The following BABAM2 variants were observed in gnomAD, a reference collection of about 807,000 sequenced individuals.
BABAM2 encodes BRISC and BRCA1-A complex member 2.
In BABAM2, 31 loss-of-function variants were observed where a neutral mutation model predicts 54.7. The observed-to-expected ratio is 0.57, with a 90% CI of 0.43 to 0.77. The LOEUF (loss-of-function observed/expected upper bound fraction) is 0.77, where lower values mean the gene tolerates loss of function less well. Among genes scored for constraint, BABAM2 ranks in the 30% least tolerant of loss-of-function variants. The probability of loss-of-function intolerance (pLI) is 0.00; values close to 1 mark genes in which losing one functional copy is unlikely to be tolerated. For missense variants in BABAM2, 364 were observed against 455.8 expected, an observed-to-expected ratio of 0.80 and a Z score of 1.83; for synonymous variants, 167 against 162.9, an observed-to-expected ratio of 1.03 and a Z score of -0.19.
At chr2:28,025,083 T>C in intron 4 of BABAM2, 143 bp from the exon 5 acceptor site, 1 of 645,362 alleles carries the variant, frequency 1.5e-6, no homozygotes, top group South Asian at 5.0e-5. Flanking sequence ...TAACTTCATC[T>C]CTGGGTATAT....
intron 10 of BABAM2, among the ~76,000 whole-genome samples, chr2:28,272,666 T>C (rs777340184): frequency 3.3e-5 from 5 of 152,194 alleles, no homozygotes; most frequent in Non-Finnish European, 7.3e-5. Context: ...CCAACAGTTA[T>C]TGAGCCTGTC....
intron 6 of BABAM2, among the ~76,000 whole-genome samples, chr2:28,117,467 A>G (rs1446064195): frequency 6.6e-6 from 1 of 152,208 alleles, no homozygotes; most frequent in Non-Finnish European, 1.5e-5. Flanking sequence ...AGCTAGGAGC[A>G]GATTGAATAG....
chr2:27,939,473 G>C (rs1452013615), intron 3 of BABAM2, among the ~76,000 whole-genome samples: 1 of 152,172 alleles, frequency 6.6e-6, no homozygotes, highest in Non-Finnish European at 1.5e-5. Context: ...TGAATCTTTA[G>C]TGTTCAGATT....
intron 4 of BABAM2, among the ~76,000 whole-genome samples, chr2:28,015,463 A>G (rs182013489): frequency 1.1e-4 from 17 of 152,254 alleles, no homozygotes; most frequent in Non-Finnish European, 1.8e-4. Context: ...CTTCTAGTCA[A>G]AAGTATTAAT....
rs138935963 is a variant in BABAM2 at position 28,228,691 on chromosome 2, C to T, written c.681-8511C>T. Among the ~76,000 whole-genome samples the T allele has an allele frequency of 5.7e-3, 867 of 152,246 alleles. 8 individuals are homozygous for T. The highest frequency in any genetic ancestry group is 0.02 in the African/African-American group (817 of 41,560). On this transcript the variant is annotated intron_variant, in intron 7 of 11. Transcript: ENST00000379624. ...AAACTTTTCTTCCCCTTACCCTTTT[C>T]GTGTCTTGAGTGACTGGGCATCATT...
intron 6 of BABAM2, among the ~76,000 whole-genome samples, chr2:28,075,531 T>TCC (rs1202694180): frequency 7.3e-6 from 1 of 137,240 alleles, no homozygotes; most frequent in Non-Finnish European, 1.5e-5. Flanking sequence ...CACGTTTTTC[T>TCC]CTCTCTCTCT....
intron 3 of BABAM2, among the ~76,000 whole-genome samples, chr2:27,963,906 A>G (rs1031604800): frequency 6.6e-6 from 1 of 152,186 alleles, no homozygotes; most frequent in Non-Finnish European, 1.5e-5. Context: ...CATATGACAA[A>G]ATTTCATTCT....
chr2:28,092,236 T>A (rs921919228), intron 6 of BABAM2, among the ~76,000 whole-genome samples: 1 of 151,906 alleles, frequency 6.6e-6, no homozygotes, highest in South Asian at 2.1e-4. Flanking sequence ...CGAGAAAAAA[T>A]AAATAAAAGA....
intron 4 of BABAM2, among the ~76,000 whole-genome samples, chr2:27,991,893 CA>C (rs1461619244): frequency 2.6e-5 from 4 of 152,128 alleles, no homozygotes; most frequent in Non-Finnish European, 5.9e-5. Flanking sequence ...ATTGCAGGGT[CA>C]AATGGTAACT....
At chr2:28,187,854 G>C (rs574973345) in intron 7 of BABAM2, among the ~76,000 whole-genome samples, 1 of 151,874 alleles carries the variant, frequency 6.6e-6, no homozygotes, top group Non-Finnish European at 1.5e-5. Flanking sequence ...TTTTAGTAGA[G>C]ACTGAGTTTC....
chr2:28,054,237 C>G (rs1678221769), intron 6 of BABAM2, among the ~76,000 whole-genome samples: 1 of 151,922 alleles, frequency 6.6e-6, no homozygotes, highest in Non-Finnish European at 1.5e-5. Flanking sequence ...GTTTTTATAC[C>G]ATGGTCTCTG....
At chr2:28,243,871 G>A (rs1382890064) in intron 9 of BABAM2, among the ~76,000 whole-genome samples, 1 of 152,096 alleles carries the variant, frequency 6.6e-6, no homozygotes, top group Non-Finnish European at 1.5e-5. Context: ...AACTGGGCGG[G>A]CATCAATATC....
At chr2:27,964,117 T>C (rs373706399) in intron 3 of BABAM2, among the ~76,000 whole-genome samples, 3 of 152,310 alleles carry the variant, frequency 2.0e-5, no homozygotes, top group East Asian at 3.9e-4. Context: ...TTAGTTCTCA[T>C]GAGAATGGAT....
intron 7 of BABAM2, among the ~76,000 whole-genome samples, chr2:28,191,297 A>G (rs1266519794): frequency 6.6e-6 from 1 of 152,254 alleles, no homozygotes; most frequent in East Asian, 1.9e-4. Flanking sequence ...TTATGGAAAT[A>G]TAAAATGATA....
chr2:27,962,565 G>T (rs1216176218), intron 3 of BABAM2, among the ~76,000 whole-genome samples: 1 of 152,202 alleles, frequency 6.6e-6, no homozygotes, highest in Non-Finnish European at 1.5e-5. Flanking sequence ...GTTATCAAAA[G>T]ATTTTAACTG....
At chr2:28,212,691 C>T (rs1679576511) in intron 7 of BABAM2, among the ~76,000 whole-genome samples, 1 of 152,282 alleles carries the variant, frequency 6.6e-6, no homozygotes, top group Non-Finnish European at 1.5e-5. Flanking sequence ...CCGACCCCCT[C>T]ATTTTTGGGC....
intron 10 of BABAM2, among the ~76,000 whole-genome samples, chr2:28,262,379 T>A (rs1246519586): frequency 2.0e-5 from 3 of 152,142 alleles, no homozygotes; most frequent in African/African-American, 7.2e-5. Flanking sequence ...TCAGGTATTA[T>A]GTAAAAGATG....
chr2:28,292,350 G>T (rs563625609), intron 10 of BABAM2, among the ~76,000 whole-genome samples: 2 of 152,260 alleles, frequency 1.3e-5, no homozygotes, highest in South Asian at 4.2e-4. Flanking sequence ...CTGTTTATAT[G>T]CCTTGAATGC....
In BABAM2 at chr2:27,970,037, G is replaced by A. The variant is rs115167992; in HGVS notation, c.206-17956G>A. On this transcript the variant is annotated intron_variant, in intron 3 of 11. Coordinates refer to ENST00000379624, the MANE Select transcript of BABAM2 (RefSeq NM_199191.3). ...TTGCTACTCTGCTTTTGCTCATGAT[G>A]TTCCCTTTGTATCCTCATTTCCAAA... is the stretch of plus-strand genomic sequence containing the variant. 3.2e-3 allele frequency among the ~76,000 whole-genome samples: 489 copies of A among 152,188 alleles called. 1 individual carries two copies. The highest frequency in any genetic ancestry group is 0.01 in the African/African-American group (429 of 41,530).
Sources: gnomAD v4.1 joint callset for allele counts (sites outside exome capture counted in the v4.1 genomes callset) on GRCh38, gnomAD v4.1.1 for gene constraint, MANE v1.5 for transcripts, NCBI Gene and HGNC (gene_info 2026-07-23, HGNC 2026-07-21) for gene names.